ATE1: variants seen among roughly 807,000 people sequenced by gnomAD.
ATE1 encodes the protein arginyl-tRNA--protein transferase 1.
In ATE1, 36 loss-of-function variants were observed where a neutral mutation model predicts 70.5. The observed-to-expected ratio is 0.51, with a 90% CI of 0.39 to 0.67. ATE1 has a LOEUF of 0.67. Ranked by LOEUF, ATE1 falls within the 30% of genes least tolerant of loss-of-function variation. The pLI, the probability that ATE1 is intolerant of heterozygous loss-of-function variation, is 0.00. For missense variants in ATE1, 593 were observed against 629.5 expected, an observed-to-expected ratio of 0.94 and a Z score of 0.62; for synonymous variants, 232 against 219.3, an observed-to-expected ratio of 1.06 and a Z score of -0.51.
chr10:121,841,658 A>C (rs1269794929), intron 8 of ATE1, among the ~76,000 whole-genome samples: 1 of 152,186 alleles, frequency 6.6e-6, no homozygotes, highest in Non-Finnish European at 1.5e-5. Flanking sequence ...AAGTGAAGTC[A>C]CCCAGGAATG....
intron 10 of ATE1, among the ~76,000 whole-genome samples, chr10:121,790,807 T>A (rs562865692): frequency 1.2e-4 from 18 of 152,194 alleles, no homozygotes; most frequent in African/African-American, 4.3e-4. Context: ...TCAATATACT[T>A]CTATAAGCAA....
rs115107527 is a variant in ATE1 at position 121,836,314 on chromosome 10, G to T, written c.1257+404C>A. On this transcript the variant is annotated intron_variant, in intron 10 of 11. Transcript: ENST00000224652. The stretch of plus-strand genomic sequence containing the variant: ...AGAAGATCCATGCAACTTCAGAGCT[G>T]AAAGCCTCACTCTAAGTAAAGCAGA... 5.7e-3 allele frequency among the ~76,000 whole-genome samples: 863 copies of T among 152,200 alleles called. 8 individuals are homozygous for T. The highest frequency in any genetic ancestry group is 0.02 in the African/African-American group (826 of 41,540).
chr10:121,745,641 G>C (rs1031517930), intron 11 of ATE1, among the ~76,000 whole-genome samples: 4 of 152,172 alleles, frequency 2.6e-5, no homozygotes, highest in Non-Finnish European at 4.4e-5. Context: ...GCAGGAGAAT[G>C]GTGTGAACCC....
At position 121,790,223 on chromosome 10, in the gene ATE1, G is replaced by C. The variant is rs189114692; in HGVS notation, c.1324C>G (p.Leu442Val). 2 of 1,614,098 alleles carry C rather than the reference G, an allele frequency of 1.2e-6. No individual in the cohort carries two copies. Among genetic ancestry groups the C allele is most frequent in the East Asian group, 2.2e-5 (1 of 44,878 alleles). The change falls in exon 11 of 12, where the codon CTG becomes GTG. Residue 442 changes from leucine (L) to valine (V), a missense_variant. Leu to Val is a conservative substitution (Grantham distance 32, BLOSUM62 1). Transcript: ENST00000224652. ...TYVWVPIEQC[L>V]PSLENSKYCR... ...TACTTGGAGTTTTCAAGTGAAGGCA[G>C]GCATTGCTCAATGGGTACCCAAACA...
At chr10:121,897,216 C>T (rs182939026) in intron 7 of ATE1, among the ~76,000 whole-genome samples, 8 of 152,254 alleles carry the variant, frequency 5.3e-5, no homozygotes, top group Admixed American at 3.3e-4. Context: ...AAGGGACTTC[C>T]CAGAGGCCTG....
intron 11 of ATE1, among the ~76,000 whole-genome samples, chr10:121,745,636 A>T (rs57886126): frequency 0.12 from 17,963 of 152,184 alleles, 1,271 homozygotes; most frequent in East Asian, 0.27. Context: ...CTGAGGCAGG[A>T]GAATGGTGTG....
chr10:121,782,841 C>T (rs1450059156), intron 11 of ATE1: 1 of 152,196 alleles, frequency 6.6e-6, no homozygotes, highest in Non-Finnish European at 1.5e-5. Context: ...GGCCTAGCCT[C>T]CCATTCTACA....
rs926736130 is a variant in ATE1 at position 121,889,855 on chromosome 10, C to T, written c.942+10011G>A. Reference sequence around the variant, plus strand: ...AAAGGTATTTTTGGTACACTTGGAACATCTGAATATGGACTGTGATGTTAT... The same window carrying T: ...AAAGGTATTTTTGGTACACTTGGAATATCTGAATATGGACTGTGATGTTAT... On this transcript the variant is annotated intron_variant, in intron 7 of 11. Transcript: ENST00000224652. Among the ~76,000 whole-genome samples the T allele has an allele frequency of 4.0e-5, 6 of 151,454 alleles. No homozygotes were observed. In the South Asian group the frequency reaches 1.3e-3, roughly 32 times the overall value.
At chr10:121,819,304 G>C (rs978435930) in intron 10 of ATE1, among the ~76,000 whole-genome samples, 2 of 152,068 alleles carry the variant, frequency 1.3e-5, no homozygotes, top group African/African-American at 4.8e-5. Flanking sequence ...TAAAGATAAC[G>C]CATACTCATC....
chr10:121,816,634 C>T (rs913168115), intron 10 of ATE1, among the ~76,000 whole-genome samples: 10 of 152,182 alleles, frequency 6.6e-5, no homozygotes, highest in Non-Finnish European at 1.0e-4. Flanking sequence ...GAGACAGCAG[C>T]CCTCACCAGA....
intron 11 of ATE1, among the ~76,000 whole-genome samples, chr10:121,776,055 T>C (rs1394738403): frequency 6.6e-6 from 1 of 152,222 alleles, no homozygotes; most frequent in Admixed American, 6.5e-5. Flanking sequence ...ACAATAGTTG[T>C]ACATACCCAT....
chr10:121,798,412 T>C (rs866354784), intron 10 of ATE1, among the ~76,000 whole-genome samples: 2 of 152,372 alleles, frequency 1.3e-5, no homozygotes, highest in South Asian at 4.1e-4. Flanking sequence ...CTTTTCATAT[T>C]AATTTTCACT....
At chr10:121,875,015 C>CGGTGGCGGGCACCT (rs369007088) in intron 7 of ATE1, among the ~76,000 whole-genome samples, 17 of 146,350 alleles carry the variant, frequency 1.2e-4, no homozygotes, top group Non-Finnish European at 2.4e-4. Flanking sequence ...TAGCCGGGCA[C>CGGTGGCGGGCACCT]GTAGTCCCAG....
At chr10:121,926,732 A>G (rs1952108389) in intron 1 of ATE1, 1 of 985,238 alleles carries the variant, frequency 1.0e-6, no homozygotes, top group African/African-American at 1.7e-5. Flanking sequence ...AGGCCATATT[A>G]CCACTGTCAC....
intron 8 of ATE1, among the ~76,000 whole-genome samples, chr10:121,851,863 G>T (rs1474547982): frequency 2.0e-5 from 3 of 152,234 alleles, no homozygotes; most frequent in African/African-American, 7.2e-5. Flanking sequence ...CACCTTAAAT[G>T]TTGGGGAGGA....
At chr10:121,859,270 T>A (rs1269796626) in intron 8 of ATE1, among the ~76,000 whole-genome samples, 2 of 151,194 alleles carry the variant, frequency 1.3e-5, no homozygotes, top group Middle Eastern at 6.3e-3. Context: ...ATTTTTTTTT[T>A]TTTTGAGACG....
intron 10 of ATE1, among the ~76,000 whole-genome samples, chr10:121,806,447 T>C (rs1337445621): frequency 6.6e-6 from 1 of 152,120 alleles, no homozygotes; most frequent in Non-Finnish European, 1.5e-5. Context: ...AGTGAGACCC[T>C]GACTCCCCCA....
At position 121,911,076 on chromosome 10, in the gene ATE1, C is replaced by T. The variant is rs1479727573; in HGVS notation, c.413G>A (p.Cys138Tyr). The T allele has an allele frequency of 3.1e-6, 5 of 1,613,292 alleles. No homozygotes were observed. The highest frequency in any genetic ancestry group is 4.2e-6 in the Non-Finnish European group (5 of 1,179,904). Residue 138 changes from cysteine (C) to tyrosine (Y), a missense_variant, in exon 5 of 12, where the codon TGT becomes TAT. This residue lies in a region of ATE1 where 467 missense variants were observed against 469.6 expected (regional missense o/e 0.99). Coordinates refer to ENST00000224652, the MANE Select transcript of ATE1 (RefSeq NM_001001976.3). ...GTCATCACTGAGTGTTTTAAGATCA[C>T]ACTGTATATCCAGTTTATTTATCAA... ...FALINKLDIQ[C>Y]DLKTLSDDIK...
At chr10:121,815,368 C>T (rs1240871142) in intron 10 of ATE1, among the ~76,000 whole-genome samples, 2 of 152,152 alleles carry the variant, frequency 1.3e-5, no homozygotes, top group Admixed American at 1.3e-4. Flanking sequence ...ATCTCCTGAC[C>T]TTGTGATCCG....
Sources: gnomAD v4.1 joint callset for allele counts (sites outside exome capture counted in the v4.1 genomes callset) on GRCh38, gnomAD v4.1.1 for gene constraint, gnomAD v4.1.1 regional missense constraint, MANE v1.5 for transcripts, NCBI Gene and HGNC (gene_info 2026-07-23, HGNC 2026-07-21) for gene names.